RYR2: variants seen among roughly 807,000 people sequenced by gnomAD.
RYR2 encodes the protein cardiac muscle ryanodine receptor-calcium release channel.
In RYR2, 227 loss-of-function variants were observed where a neutral mutation model predicts 601.1. The ratio of observed to expected loss-of-function variants is 0.38; its 90% CI spans 0.34 to 0.42. RYR2 has a LOEUF of 0.42. Ranked by LOEUF, RYR2 falls within the 10% of genes least tolerant of loss-of-function variation. The probability of loss-of-function intolerance (pLI) is 1.00; values close to 1 mark genes in which losing one functional copy is unlikely to be tolerated. For synonymous variants in RYR2, 2,223 were observed against 2,175.1 expected (o/e 1.02, Z -0.61); for missense variants, 4,646 against 6,156.5 (o/e 0.75, Z 8.21).
At chr1:237,685,654 A>G (rs543434480) in intron 62 of RYR2, among the ~76,000 whole-genome samples, 2 of 152,326 alleles carry the variant, frequency 1.3e-5, no homozygotes, top group South Asian at 2.1e-4. Context: ...CTCTTTAGAA[A>G]AAGGCAGACC....
At position 237,132,855 on chromosome 1, in the gene RYR2, G is replaced by T. The variant is rs188011422; in HGVS notation, c.48+90286G>T. ...TTAAGGAGAGAAGAAACCTGAAATT[G>T]CATGGGATGATGTGAGAGTGAACAG... is the stretch of plus-strand genomic sequence containing the variant. On this transcript the variant is annotated intron_variant, in intron 1 of 104. Coordinates refer to ENST00000366574, the MANE Select transcript of RYR2 (RefSeq NM_001035.3). 1.5e-3 allele frequency among the ~76,000 whole-genome samples: 234 copies of T among 152,352 alleles called. 2 individuals are homozygous for T. Among genetic ancestry groups the T allele is most frequent in the African/African-American group, 5.5e-3 (227 of 41,580 alleles).
intron 1 of RYR2, among the ~76,000 whole-genome samples, chr1:237,138,222 G>A (rs1045967645): frequency 6.6e-5 from 10 of 151,836 alleles, no homozygotes; most frequent in African/African-American, 2.2e-4. Context: ...TGGTAGAAAC[G>A]AGGTTTTGCC....
chr1:237,705,301 A>G lies in RYR2; in HGVS notation c.9538A>G (p.Ile3180Val). ...GGAAACTCATCTGGACAAACATAAT[A>G]TTTACTCCATCTACAATACCAAGTC... is the stretch of plus-strand genomic sequence containing the variant. ...FLETHLDKHN[I>V]YSIYNTKSSR... The change falls in exon 67 of 105, where the codon ATT becomes GTT. Residue 3180 changes from isoleucine (I) to valine (V), a missense_variant. Physicochemically the swap from Ile to Val is conservative, Grantham distance 29 (BLOSUM62 3). This residue lies in a region of RYR2 where 1,497 missense variants were observed against 1,842.6 expected (regional missense o/e 0.81). Coordinates refer to ENST00000366574, the MANE Select transcript of RYR2 (RefSeq NM_001035.3). 6.2e-7 allele frequency: 1 copy of G among 1,604,568 alleles called. No homozygotes were observed.
chr1:237,169,758 A>G (rs1677148866), intron 1 of RYR2, among the ~76,000 whole-genome samples: 1 of 152,238 alleles, frequency 6.6e-6, no homozygotes, highest in East Asian at 1.9e-4. Context: ...AGAAATAATT[A>G]TACTATTTGT....
intron 17 of RYR2, among the ~76,000 whole-genome samples, chr1:237,488,165 T>G (rs1383652533): frequency 2.6e-5 from 4 of 152,210 alleles, no homozygotes; most frequent in Non-Finnish European, 5.9e-5. Context: ...TCGTCTTAAC[T>G]TCTTGGTCTT....
At position 237,066,883 on chromosome 1, in the gene RYR2, C is replaced by T. The variant is rs867277619; in HGVS notation, c.48+24314C>T. Among the ~76,000 whole-genome samples, 10 of 152,056 alleles carry T rather than the reference C, an allele frequency of 6.6e-5. No homozygotes were observed. The East Asian group carries it at 7.7e-4, about 12-fold the overall frequency. ...CGATCTCCTGACCTCGCAATCCGCC[C>T]GCCTCGGCCTCCCAAAGTGCTGGGA... On this transcript the variant is annotated intron_variant, in intron 1 of 104. Coordinates refer to ENST00000366574, the MANE Select transcript of RYR2 (RefSeq NM_001035.3).
chr1:237,114,514 G>A (rs1470286328), intron 1 of RYR2, among the ~76,000 whole-genome samples: 1 of 152,154 alleles, frequency 6.6e-6, no homozygotes, highest in Non-Finnish European at 1.5e-5. Flanking sequence ...AGACACTTTA[G>A]AGCTTGGACC....
intron 24 of RYR2, among the ~76,000 whole-genome samples, chr1:237,513,372 T>G (rs1483482395): frequency 6.6e-6 from 1 of 152,180 alleles, no homozygotes; most frequent in Non-Finnish European, 1.5e-5. Context: ...AAAACTCTAG[T>G]CCTTTTTGTT....
intron 1 of RYR2, among the ~76,000 whole-genome samples, chr1:237,045,609 A>G (rs978614356): frequency 1.3e-5 from 2 of 152,190 alleles, no homozygotes; most frequent in African/African-American, 4.8e-5. Flanking sequence ...GAAAAATCCT[A>G]TCATAAAATA....
chr1:237,418,921 A>G (rs1283144353), intron 11 of RYR2, among the ~76,000 whole-genome samples: 1 of 152,040 alleles, frequency 6.6e-6, no homozygotes. Context: ...GGAAATGCAT[A>G]TCATAATGAG....
intron 1 of RYR2, among the ~76,000 whole-genome samples, chr1:237,182,614 T>G (rs958254219): frequency 2.6e-5 from 4 of 152,226 alleles, no homozygotes. Flanking sequence ...TACTATATAT[T>G]GTCTTTGGTG....
chr1:237,775,095 A>C (rs931390930), intron 87 of RYR2, among the ~76,000 whole-genome samples: 1 of 147,852 alleles, frequency 6.8e-6, no homozygotes, highest in African/African-American at 2.5e-5. Flanking sequence ...AAAAAAAAAA[A>C]CAGAAGTAAC....
rs1024079641 is a variant in RYR2, at chr1:237,560,187, G to A, written c.3215-6380G>A. Among the ~76,000 whole-genome samples the A allele has an allele frequency of 1.1e-4, 16 of 152,348 alleles. 1 individual carries two copies. Among genetic ancestry groups the A allele is most frequent in the African/African-American group, 3.1e-4 (13 of 41,582 alleles). ...TGGCCTTCTAGAGTCCCAGGAATAT[G>A]TTGGAGCTTCTCACATCCCACTATG... On this transcript the variant is annotated intron_variant, in intron 27 of 104. Coordinates refer to ENST00000366574, the MANE Select transcript of RYR2 (RefSeq NM_001035.3).
At chr1:237,226,311 C>T (rs998938945) in intron 1 of RYR2, among the ~76,000 whole-genome samples, 1 of 152,100 alleles carries the variant, frequency 6.6e-6, no homozygotes, top group African/African-American at 2.4e-5. Flanking sequence ...TCCTCTGGAC[C>T]AAGGTAGTTG....
In RYR2 at chr1:237,415,309, A is replaced by G. The variant is rs185642744; in HGVS notation, c.774-1740A>G. Reference sequence around the variant, plus strand: ...GTACTTTATGCAGCGACAGTTGAAAATCACTGCTGTGGACACTGGTTATTG... The same window carrying G: ...GTACTTTATGCAGCGACAGTTGAAAGTCACTGCTGTGGACACTGGTTATTG... On this transcript the variant is annotated intron_variant, in intron 10 of 104. Coordinates refer to ENST00000366574, the MANE Select transcript of RYR2 (RefSeq NM_001035.3). Among the ~76,000 whole-genome samples, 18 of 152,302 alleles carry G rather than the reference A, an allele frequency of 1.2e-4. No homozygotes were observed. The East Asian group carries it at 2.5e-3, about 21-fold the overall frequency.
chr1:237,118,991 AT>A (rs1670459828), intron 1 of RYR2, among the ~76,000 whole-genome samples: 1 of 152,158 alleles, frequency 6.6e-6, no homozygotes, highest in Admixed American at 6.5e-5. Flanking sequence ...GAAGAAGTCT[AT>A]TTCTAATGTG....
intron 12 of RYR2, among the ~76,000 whole-genome samples, chr1:237,437,932 G>A (rs546204722): frequency 6.6e-6 from 1 of 152,236 alleles, no homozygotes; most frequent in South Asian, 2.1e-4. Context: ...TTAAATGTAG[G>A]AGGCATAGGA....
intron 1 of RYR2, among the ~76,000 whole-genome samples, chr1:237,081,250 T>C (rs1181583673): frequency 8.8e-6 from 1 of 113,186 alleles, no homozygotes; most frequent in Non-Finnish European, 1.7e-5. Context: ...CTGCACAATG[T>C]GCACATGTAC....
At chr1:237,485,095 A>T (rs763965114) in intron 17 of RYR2, among the ~76,000 whole-genome samples, 2 of 152,222 alleles carry the variant, frequency 1.3e-5, no homozygotes, top group African/African-American at 4.8e-5. Context: ...TGAAACACAG[A>T]TAAGGAAATC....
Sources: gnomAD v4.1 joint callset for allele counts (sites outside exome capture counted in the v4.1 genomes callset) on GRCh38, gnomAD v4.1.1 for gene constraint, gnomAD v4.1.1 regional missense constraint, MANE v1.5 for transcripts, NCBI Gene and HGNC (gene_info 2026-07-23, HGNC 2026-07-21) for gene names.